The following EPHB1 variants were observed in gnomAD, a reference collection of about 807,000 sequenced individuals.
EPHB1 encodes the protein ephrin type-B receptor 1.
In EPHB1, 30 loss-of-function variants were observed where a neutral mutation model predicts 94.4. The ratio of observed to expected loss-of-function variants is 0.32; its 90% confidence interval spans 0.24 to 0.43. The LOEUF is 0.43. Ranked by LOEUF, EPHB1 falls within the 20% of genes least tolerant of loss-of-function variation. The probability of loss-of-function intolerance (pLI) is 1.00; values close to 1 mark genes in which losing one functional copy is unlikely to be tolerated. For synonymous variants in EPHB1, 522 were observed against 489.1 expected, an observed-to-expected ratio of 1.07 and a Z score of -0.89; for missense variants, 1,055 against 1,308.3, an observed-to-expected ratio of 0.81 and a Z score of 2.99.
intron 3 of EPHB1, among the ~76,000 whole-genome samples, chr3:135,033,551 G>C (rs574636133): frequency 2.6e-5 from 4 of 152,336 alleles, no homozygotes; most frequent in Admixed American, 1.3e-4. Context: ...GAGGGTCTAG[G>C]AAAGTTACCA....
chr3:134,941,745 G>GCACACACACA (rs1491550727), intron 2 of EPHB1, among the ~76,000 whole-genome samples: 2 of 92,716 alleles, frequency 2.2e-5, no homozygotes, highest in Admixed American at 2.3e-4. Flanking sequence ...CTTTACATAT[G>GCACACACACA]CACACAGACA....
chr3:134,909,771 G>T (rs1042271892), intron 1 of EPHB1, among the ~76,000 whole-genome samples: 1 of 152,208 alleles, frequency 6.6e-6, no homozygotes, highest in Non-Finnish European at 1.5e-5. Context: ...CCTCCACAGG[G>T]AGAATTCAAA....
chr3:135,180,529 G>A (rs1290399087), intron 10 of EPHB1, among the ~76,000 whole-genome samples: 1 of 152,020 alleles, frequency 6.6e-6, no homozygotes, highest in African/African-American at 2.4e-5. Flanking sequence ...AAAAATCTAT[G>A]GTACAGCTGG....
At position 135,248,504 on chromosome 3, in the gene EPHB1, C is replaced by G. The variant is rs756336032; in HGVS notation, c.2685C>G (p.Thr895=). The G allele has an allele frequency of 6.3e-7, 1 of 1,595,988 alleles. No homozygotes were observed. Among genetic ancestry groups the G allele is most frequent in the Non-Finnish European group, 8.6e-7 (1 of 1,167,732 alleles). Residue 895 remains threonine, a synonymous_variant, in exon 14 of 16, where the codon ACC becomes ACG. Coordinates refer to ENST00000398015, the MANE Select transcript of EPHB1 (RefSeq NM_004441.5). ...PASLKTVATI[T]AVPSQPLLDR... ...GTCTCAAGACTGTGGCAACCATCAC[C>G]GCCGTGTGAGTCTAGTGAAACGGTG...
rs187699092 is a variant in EPHB1, at chr3:134,827,259, C to T, written c.58+31570C>T. ...GGATCTGGCCAGGTTTCTCTAACGC[C>T]TTAGTCTAGTGCTTCTTCTTCTCTA... is the stretch of plus-strand genomic sequence containing the variant. On this transcript the variant is annotated intron_variant, in intron 1 of 15. Transcript: ENST00000398015. 2.6e-3 allele frequency among the ~76,000 whole-genome samples: 394 copies of T among 152,314 alleles called. 2 individuals carry two copies. Among genetic ancestry groups the T allele is most frequent in the Middle Eastern group, 6.8e-3 (2 of 294 alleles).
At chr3:135,220,955 G>A (rs34373428) in intron 12 of EPHB1, among the ~76,000 whole-genome samples, 2,126 of 152,318 alleles carry the variant, frequency 0.014, 16 homozygotes, top group Middle Eastern at 0.031. Context: ...ACTTAGTCAG[G>A]AGTGGTCATG....
chr3:134,964,904 AGTCT>A (rs1445043721), intron 3 of EPHB1, among the ~76,000 whole-genome samples: 1 of 152,144 alleles, frequency 6.6e-6, no homozygotes, highest in African/African-American at 2.4e-5. Context: ...TGTCTCTAGG[AGTCT>A]GTCTTGATGC....
intron 3 of EPHB1, among the ~76,000 whole-genome samples, chr3:134,986,181 C>G (rs528070389): frequency 6.6e-6 from 1 of 152,312 alleles, no homozygotes; most frequent in Non-Finnish European, 1.5e-5. Context: ...GGGAGTGACT[C>G]TTTTCCAGAT....
intron 1 of EPHB1, among the ~76,000 whole-genome samples, chr3:134,846,407 C>T (rs546722121): frequency 3.3e-5 from 5 of 152,306 alleles, no homozygotes; most frequent in Admixed American, 1.3e-4. Flanking sequence ...ATAATGCTGC[C>T]TTTGCGATAC....
At chr3:134,822,959 G>T (rs138352105) in intron 1 of EPHB1, among the ~76,000 whole-genome samples, 1 of 152,134 alleles carries the variant, frequency 6.6e-6, no homozygotes, top group African/African-American at 2.4e-5. Flanking sequence ...AAGCGGAAGT[G>T]ATTTTCCTAT....
rs368249507 is a variant in EPHB1, at chr3:135,166,495, ACT to A, written c.1694+422_1694+423del. On this transcript the variant is annotated intron_variant, in intron 8 of 15. Transcript: ENST00000398015. ...GAGAGAAGATGAGGAGGAAAGGGAA[ACT>A]CTGAGTTCTGCAGAAAAGCTGGCCC... Among the ~76,000 whole-genome samples, 11 of 152,030 alleles carry A rather than the reference ACT, an allele frequency of 7.2e-5. No homozygotes were observed. In the East Asian group the frequency reaches 2.1e-3, roughly 29 times the overall value.
rs779965625 is a variant in EPHB1 at position 135,132,952 on chromosome 3, C to A, written c.1200C>A (p.Thr400=). The part of the protein sequence containing the change: ...RVSISSLWAH[T]PYTFDIQAIN... The stretch of plus-strand genomic sequence containing the variant: ...CCATCAGCAGCCTGTGGGCCCACAC[C>A]CCCTACACCTTTGACATCCAGGCCA... Residue 400 remains threonine, a synonymous_variant, in exon 5 of 16, where the codon ACC becomes ACA. Coordinates refer to ENST00000398015, the MANE Select transcript of EPHB1 (RefSeq NM_004441.5). 6.2e-7 allele frequency: 1 copy of A among 1,613,962 alleles called. No individual in the cohort carries two copies. Among genetic ancestry groups the A allele is most frequent in the Non-Finnish European group, 8.5e-7 (1 of 1,179,854 alleles).
intron 3 of EPHB1, among the ~76,000 whole-genome samples, chr3:134,969,814 G>A (rs918282202): frequency 1.3e-5 from 2 of 152,128 alleles, no homozygotes; most frequent in African/African-American, 4.8e-5. Flanking sequence ...TCTGAGATGA[G>A]GTCTTAAAGT....
intron 9 of EPHB1, among the ~76,000 whole-genome samples, chr3:135,173,477 C>T (rs933646050): frequency 2.0e-4 from 31 of 152,174 alleles, no homozygotes; most frequent in Admixed American, 2.6e-4. Context: ...GTCCTCCTCC[C>T]ACCCACTGCT....
chr3:134,857,000 G>A (rs1050517429), intron 1 of EPHB1, among the ~76,000 whole-genome samples: 2 of 152,238 alleles, frequency 1.3e-5, no homozygotes, highest in African/African-American at 4.8e-5. Flanking sequence ...AAGAAGGAAT[G>A]TATCCTTCCA....
At chr3:134,887,276 C>G (rs1202483844) in intron 1 of EPHB1, among the ~76,000 whole-genome samples, 2 of 152,322 alleles carry the variant, frequency 1.3e-5, no homozygotes, top group South Asian at 2.1e-4. Flanking sequence ...CACTGGACTT[C>G]TTCATAGCAT....
chr3:134,882,722 T>TCTTTC (rs2037760871), intron 1 of EPHB1, among the ~76,000 whole-genome samples: 1 of 142,594 alleles, frequency 7.0e-6, no homozygotes, highest in African/African-American at 2.6e-5. Flanking sequence ...CTTCTTTCCT[T>TCTTTC]CTTCTTTCCT....
chr3:134,836,582 A>G (rs2036677149), intron 1 of EPHB1, among the ~76,000 whole-genome samples: 1 of 152,226 alleles, frequency 6.6e-6, no homozygotes, highest in African/African-American at 2.4e-5. Context: ...GAAATAATAG[A>G]CACTTAAATT....
At chr3:135,217,759 A>G (rs943186926) in intron 12 of EPHB1, among the ~76,000 whole-genome samples, 3 of 152,160 alleles carry the variant, frequency 2.0e-5, no homozygotes, top group Admixed American at 1.3e-4. Flanking sequence ...TAAAATGTGC[A>G]AAGAAAGCAG....
Sources: gnomAD v4.1 joint callset for allele counts (sites outside exome capture counted in the v4.1 genomes callset) on GRCh38, gnomAD v4.1.1 for gene constraint, MANE v1.5 for transcripts, NCBI Gene and HGNC (gene_info 2026-07-23, HGNC 2026-07-21) for gene names.